Variants in EPHA5 observed in about 807,000 individuals in gnomAD.
The protein encoded by EPHA5 is EPH receptor A5, also known as ephrin type-A receptor 5.
A neutral mutation model predicts 105.0 loss-of-function variants in EPHA5; 60 were observed. The observed-to-expected ratio is 0.57, with a 90% CI of 0.46 to 0.71. The LOEUF is 0.71. Ranked by LOEUF, EPHA5 falls within the 30% of genes least tolerant of loss-of-function variation. The pLI is 0.00. For missense variants in EPHA5, 1,218 were observed against 1,274.7 expected (o/e 0.96, Z 0.68); for synonymous variants, 513 against 449.1 (o/e 1.14, Z -1.80).
chr4:65,481,088 A>G (rs1730320529), intron 5 of EPHA5, among the ~76,000 whole-genome samples: 1 of 152,082 alleles, frequency 6.6e-6, no homozygotes, highest in East Asian at 1.9e-4. Context: ...ATTTTTGGTG[A>G]CTCAAATTCC....
chr4:65,486,202 C>G (rs1730863917), intron 5 of EPHA5, among the ~76,000 whole-genome samples: 1 of 152,020 alleles, frequency 6.6e-6, no homozygotes, highest in Non-Finnish European at 1.5e-5. Context: ...CTGGTTCCCC[C>G]AGAGGTCAGA....
In EPHA5 at chr4:65,490,358, G is replaced by A. The variant is rs1484539384; in HGVS notation, c.1402+19C>T. Reference sequence around the variant, plus strand: ...GAACTAGGCCTCACATACACAATTGGGTTGGGCATGGCACTTACCTGCTTG... The same window carrying A: ...GAACTAGGCCTCACATACACAATTGAGTTGGGCATGGCACTTACCTGCTTG... On this transcript the variant is annotated intron_variant, in intron 5 of 16. Transcript: ENST00000613740. 2 of 1,604,478 alleles carry A rather than the reference G, an allele frequency of 1.2e-6. No individual in the cohort carries two copies. The highest frequency in any genetic ancestry group is 1.3e-5 in the African/African-American group (1 of 74,868).
At chr4:65,488,952 C>G (rs1336790434) in intron 5 of EPHA5, among the ~76,000 whole-genome samples, 1 of 147,426 alleles carries the variant, frequency 6.8e-6, no homozygotes, top group African/African-American at 2.5e-5. Flanking sequence ...GTGGCGCGAT[C>G]TCGGCTCACT....
chr4:65,362,082 G>A (rs9992203), intron 11 of EPHA5, among the ~76,000 whole-genome samples: 6,442 of 151,444 alleles, frequency 0.043, 434 homozygotes, highest in African/African-American at 0.15. Flanking sequence ...TATGTCATTC[G>A]TCATGAAAGT....
At chr4:65,371,226 C>T (rs182434084) in intron 8 of EPHA5, among the ~76,000 whole-genome samples, 73 of 152,068 alleles carry the variant, frequency 4.8e-4, no homozygotes, top group African/African-American at 1.7e-3. Context: ...ATCATTTATA[C>T]TCATGTCCTT....
intron 3 of EPHA5, chr4:65,573,382 G>A: frequency 1.1e-6 from 1 of 889,506 alleles, no homozygotes; most frequent in Non-Finnish European, 1.6e-6. Flanking sequence ...CTGCACTCCA[G>A]CCTGGGTGAC....
chr4:65,591,328 T>C (rs1742626163), intron 3 of EPHA5, among the ~76,000 whole-genome samples: 1 of 152,022 alleles, frequency 6.6e-6, no homozygotes, highest in African/African-American at 2.4e-5. Context: ...ACATAACACC[T>C]CTAAATTCAT....
rs1445069741 is a variant in EPHA5 at position 65,332,909 on chromosome 4, A to G, written c.2790-781T>C. The stretch of plus-strand genomic sequence containing the variant: ...AAGTAAATTTATCTGGAAGTTAAGA[A>G]ACTATTTATTCTTTATTTTACACTT... On this transcript the variant is annotated intron_variant, in intron 15 of 16. Transcript: ENST00000613740. 2.0e-5 allele frequency among the ~76,000 whole-genome samples: 3 copies of G among 151,914 alleles called. No individual in the cohort carries two copies. The East Asian group carries it at 5.8e-4, about 30-fold the overall frequency.
At chr4:65,376,405 G>A (rs1233462787) in intron 8 of EPHA5, among the ~76,000 whole-genome samples, 2 of 152,026 alleles carry the variant, frequency 1.3e-5, no homozygotes, top group Non-Finnish European at 2.9e-5. Flanking sequence ...TTAAGAGTAT[G>A]CCATTTGGGC....
chr4:65,476,248 A>G (rs1181639317), intron 5 of EPHA5, among the ~76,000 whole-genome samples: 1 of 152,106 alleles, frequency 6.6e-6, no homozygotes, highest in Non-Finnish European at 1.5e-5. Context: ...TGTAACAAAC[A>G]GACAGGTAAT....
chr4:65,575,397 G>A (rs982986308), intron 3 of EPHA5, among the ~76,000 whole-genome samples: 25 of 151,992 alleles, frequency 1.6e-4, no homozygotes, highest in African/African-American at 4.6e-4. Flanking sequence ...TACTACTTTC[G>A]TAACTCAACA....
At chr4:65,443,847 T>G (rs1036267983) in intron 5 of EPHA5, among the ~76,000 whole-genome samples, 1 of 152,108 alleles carries the variant, frequency 6.6e-6, no homozygotes, top group Non-Finnish European at 1.5e-5. Flanking sequence ...GAGTAGCCTA[T>G]AGTAGGATGA....
chr4:65,558,057 A>G (rs1404630214), intron 3 of EPHA5, among the ~76,000 whole-genome samples: 2 of 151,940 alleles, frequency 1.3e-5, no homozygotes, highest in Non-Finnish European at 2.9e-5. Flanking sequence ...TTGTATTTTT[A>G]GTAGAGACAG....
At chr4:65,580,779 AAC>A (rs1386566247) in intron 3 of EPHA5, among the ~76,000 whole-genome samples, 1 of 106,920 alleles carries the variant, frequency 9.4e-6, no homozygotes, top group African/African-American at 3.3e-5. Flanking sequence ...GAATCTAAAT[AAC>A]ACAGTTTACT....
intron 2 of EPHA5, among the ~76,000 whole-genome samples, chr4:65,603,060 T>G (rs887998269): frequency 7.2e-5 from 11 of 152,128 alleles, no homozygotes; most frequent in African/African-American, 2.7e-4. Context: ...CTTCTTGCGA[T>G]ATGTTGGGAC....
intron 3 of EPHA5, among the ~76,000 whole-genome samples, chr4:65,564,863 C>T (rs547293641): frequency 1.3e-5 from 2 of 151,804 alleles, no homozygotes; most frequent in African/African-American, 2.4e-5. Context: ...TCATTACTTG[C>T]ATTTCTAATG....
intron 2 of EPHA5, among the ~76,000 whole-genome samples, chr4:65,613,151 T>G (rs566589559): frequency 6.6e-6 from 1 of 152,230 alleles, no homozygotes; most frequent in African/African-American, 2.4e-5. Flanking sequence ...TCGGTATATG[T>G]TTTCATCAAC....
At chr4:65,592,830 C>G (rs530156848) in intron 3 of EPHA5, among the ~76,000 whole-genome samples, 1 of 152,076 alleles carries the variant, frequency 6.6e-6, no homozygotes, top group Non-Finnish European at 1.5e-5. Context: ...TGGTTATGGC[C>G]GACAACAACG....
At chr4:65,527,799 G>A (rs1329490049) in intron 3 of EPHA5, among the ~76,000 whole-genome samples, 1 of 151,934 alleles carries the variant, frequency 6.6e-6, no homozygotes, top group Non-Finnish European at 1.5e-5. Context: ...TAGGTATTAA[G>A]CCCGGTGTCC....
Sources: allele counts gnomAD v4.1 joint callset (sites outside exome capture counted in the v4.1 genomes callset), GRCh38; gene constraint gnomAD v4.1.1; transcripts MANE v1.5; gene names NCBI Gene and HGNC (gene_info 2026-07-23, HGNC 2026-07-21).